RAB14: variants seen among roughly 807,000 people sequenced by gnomAD.
RAB14 encodes ras-related protein Rab-14.
In RAB14, 3 loss-of-function variants were observed where a neutral mutation model predicts 31.1. The observed-to-expected ratio is 0.10, with a 90% CI of 0.04 to 0.25. The LOEUF (loss-of-function observed/expected upper bound fraction) is 0.25, where lower values mean the gene tolerates loss of function less well. Ranked by LOEUF, RAB14 falls within the 10% of genes least tolerant of loss-of-function variation. RAB14 has a pLI of 1.00. For missense variants in RAB14, 111 were observed against 260.1 expected (o/e 0.43, Z 3.94); for synonymous variants, 85 against 84.9 (o/e 1.00, Z 0.00).
rs3838268 is a variant in RAB14 at position 121,181,744 on chromosome 9, C to CTTTTT, written c.471-176_471-172dup. Among the ~76,000 whole-genome samples, 121 of 102,926 alleles carry CTTTTT rather than the reference C, an allele frequency of 1.2e-3. 2 individuals are homozygous for CTTTTT. Among genetic ancestry groups the CTTTTT allele is most frequent in the Middle Eastern group, 8.3e-3 (1 of 120 alleles). 67.5% of individuals were successfully genotyped at this position (102,926 alleles called of 152,430 possible). A position where few individuals can be genotyped will look rare whatever the true frequency, so the allele number is the denominator to read the frequency against. On this transcript the variant is annotated intron_variant, in intron 7 of 7. Transcript: ENST00000373840. ...TAAGAGAACATGGAAAACTATTTTC[C>CTTTTT]TTTTTTTTTTTTTTTTTTTTTTGAG... is the stretch of plus-strand genomic sequence containing the variant.
chr9:121,184,200 A>G (rs1252455470), intron 5 of RAB14, among the ~76,000 whole-genome samples: 4 of 152,160 alleles, frequency 2.6e-5, no homozygotes, highest in Non-Finnish European at 4.4e-5. Context: ...ACAGTAACTG[A>G]TAAGAGATGT....
At chr9:121,192,326 C>A in intron 2 of RAB14, 102 bp from the exon 3 acceptor site, 1 of 762,802 alleles carries the variant, frequency 1.3e-6, no homozygotes, top group Non-Finnish European at 2.0e-6. Flanking sequence ...GTTTCTGGGA[C>A]ACTTAACAAA....
At position 121,179,955 on chromosome 9, in the gene RAB14, A is replaced by T. The variant is rs2053624206; in HGVS notation, c.*1441T>A. ...ATCATAAATGCAATAAAAAAAATCA[A>T]CAGAAATGAAGAACTTAATAAAACA... On this transcript the variant is annotated 3_prime_UTR_variant, in exon 8 of 8. Coordinates refer to ENST00000373840, the MANE Select transcript of RAB14 (RefSeq NM_016322.4). 6.6e-6 allele frequency: 1 copy of T among 152,614 alleles called. No individual in the cohort carries two copies. Among genetic ancestry groups the T allele is most frequent in the African/African-American group, 2.4e-5 (1 of 41,452 alleles). 9.5% of individuals were successfully genotyped at this position (152,614 alleles called of 1,614,324 possible).
intron 1 of RAB14, among the ~76,000 whole-genome samples, chr9:121,194,129 C>CACAT (rs1402959041): frequency 6.8e-6 from 1 of 146,356 alleles, no homozygotes; most frequent in African/African-American, 2.5e-5. Flanking sequence ...CACACACACA[C>CACAT]ATTTTTTGAA....
At chr9:121,193,530 T>C (rs1178493858) in intron 1 of RAB14, 111 bp from the exon 2 acceptor site, 1 of 687,886 alleles carries the variant, frequency 1.5e-6, no homozygotes. Context: ...CAAACAAATG[T>C]TGGTTACAGT....
intron 1 of RAB14, among the ~76,000 whole-genome samples, chr9:121,199,342 TAAG>T (rs1268040648): frequency 2.6e-5 from 4 of 152,202 alleles, no homozygotes; most frequent in Admixed American, 1.3e-4. Flanking sequence ...TTGTCTAGAA[TAAG>T]AAGCTTTTTA....
intron 1 of RAB14, among the ~76,000 whole-genome samples, chr9:121,198,657 G>A (rs986232786): frequency 6.6e-6 from 1 of 152,172 alleles, no homozygotes; most frequent in Non-Finnish European, 1.5e-5. Context: ...GACTGCTTCT[G>A]TAGTTCCAAC....
chr9:121,195,742 G>T (rs1396606639), intron 1 of RAB14, among the ~76,000 whole-genome samples: 1 of 151,968 alleles, frequency 6.6e-6, no homozygotes, highest in Non-Finnish European at 1.5e-5. Context: ...AGAATTAAAG[G>T]AAAACTACTC....
rs1045754934 is a variant in RAB14 at position 121,179,640 on chromosome 9, C to T, written c.*1756G>A. The T allele has an allele frequency of 1.3e-5, 2 of 152,600 alleles. No homozygotes were observed. The highest frequency in any genetic ancestry group is 4.8e-5 in the African/African-American group (2 of 41,440). The allele number at this position is 152,600 out of a possible 1,614,324, so 9.5% of individuals were successfully genotyped here. A position where few individuals can be genotyped will look rare whatever the true frequency, so the allele number is the denominator to read the frequency against. ...GAATATACCAATCTACTCCAGAAAT[C>T]TTATTTTTTAAAAAGTTAAACAAAG... is the stretch of plus-strand genomic sequence containing the variant. On this transcript the variant is annotated 3_prime_UTR_variant, in exon 8 of 8. Transcript: ENST00000373840.
At chr9:121,201,286 G>A (rs1439926389) in intron 1 of RAB14, among the ~76,000 whole-genome samples, 1 of 152,144 alleles carries the variant, frequency 6.6e-6, no homozygotes, top group Admixed American at 6.5e-5. Flanking sequence ...GAACAGCGGC[G>A]AGAGGGGGGC....
chr9:121,189,130 C>G (rs1420569742), intron 4 of RAB14, among the ~76,000 whole-genome samples: 2 of 152,078 alleles, frequency 1.3e-5, no homozygotes, highest in Non-Finnish European at 2.9e-5. Context: ...TCAGTATTTC[C>G]TTCTTCCTTA....
At chr9:121,192,405 A>T (rs1012188976) in intron 2 of RAB14, among the ~76,000 whole-genome samples, 181 bp from the exon 3 acceptor site, 1 of 152,142 alleles carries the variant, frequency 6.6e-6, no homozygotes, top group African/African-American at 2.4e-5. Flanking sequence ...TATTATTCCC[A>T]ATCTTTAGCA....
intron 1 of RAB14, among the ~76,000 whole-genome samples, chr9:121,197,205 TAGTA>T (rs921133026): frequency 6.6e-6 from 1 of 152,226 alleles, no homozygotes; most frequent in African/African-American, 2.4e-5. Flanking sequence ...ACTAAATGCA[TAGTA>T]AACACTAACA....
In RAB14 at chr9:121,178,288, TTTC is replaced by T. The variant is rs1183363744; in HGVS notation, c.*3105_*3107del. 1 of 152,226 alleles carries T rather than the reference TTTC, an allele frequency of 6.6e-6. No individual in the cohort carries two copies. The highest frequency in any genetic ancestry group is 1.5e-5 in the Non-Finnish European group (1 of 68,040). 9.4% of individuals were successfully genotyped at this position (152,226 alleles called of 1,614,324 possible). On this transcript the variant is annotated 3_prime_UTR_variant, in exon 8 of 8. Transcript: ENST00000373840. ...AGGCATCTTTCAAAACAAAACTTGA[TTTC>T]TTTTGTATTTACATTTTTTGTTTCA...
intron 5 of RAB14, among the ~76,000 whole-genome samples, chr9:121,185,052 G>A (rs906376692): frequency 3.9e-5 from 6 of 152,134 alleles, no homozygotes; most frequent in Non-Finnish European, 5.9e-5. Flanking sequence ...CTTCTACACA[G>A]AAATCAAGGG....
intron 2 of RAB14, among the ~76,000 whole-genome samples, chr9:121,192,679 T>C (rs2053693578): frequency 6.6e-6 from 1 of 152,098 alleles, no homozygotes; most frequent in South Asian, 2.1e-4. Flanking sequence ...TCTTGTATTA[T>C]TCTATGAAAG....
rs540798135 is a variant in RAB14, at chr9:121,191,127, T to C, written c.107-396A>G. On this transcript the variant is annotated intron_variant, in intron 3 of 7. Transcript: ENST00000373840. ...ACTGGATTTGCCCCACTGGCCACCG[T>C]TTGCTGACCCCTCGACTAAAATAAT... Among the ~76,000 whole-genome samples the C allele has an allele frequency of 3.9e-5, 6 of 152,266 alleles. No homozygotes were observed. In the East Asian group the frequency reaches 1.2e-3, roughly 29 times the overall value.
At chr9:121,200,089 C>T (rs949573580) in intron 1 of RAB14, among the ~76,000 whole-genome samples, 1 of 152,150 alleles carries the variant, frequency 6.6e-6, no homozygotes, top group Non-Finnish European at 1.5e-5. Flanking sequence ...ACACTGAGTC[C>T]GAAAGGTTAA....
chr9:121,183,048 C>G (rs990221054), intron 6 of RAB14, 88 bp from the exon 7 acceptor site: 20 of 1,265,850 alleles, frequency 1.6e-5, no homozygotes, highest in Non-Finnish European at 2.0e-5. Context: ...AGTTTCCCAT[C>G]AGTTTTTAGT....
Sources: allele counts gnomAD v4.1 joint callset (sites outside exome capture counted in the v4.1 genomes callset), GRCh38; gene constraint gnomAD v4.1.1; transcripts MANE v1.5; gene names NCBI Gene and HGNC (gene_info 2026-07-23, HGNC 2026-07-21).